IQCE: variants seen among roughly 807,000 people sequenced by gnomAD.
The protein encoded by IQCE is IQ motif containing E, also known as IQ domain-containing protein E.
In IQCE, 115 loss-of-function variants were observed where a neutral mutation model predicts 96.0. That is an observed-to-expected ratio of 1.20 (90% CI 1.03 to 1.40). The LOEUF is 1.40. Among genes scored for constraint, IQCE ranks in the 40% most tolerant of loss-of-function variants. The probability of loss-of-function intolerance (pLI) is 0.00; values close to 1 mark genes in which losing one functional copy is unlikely to be tolerated. For missense variants in IQCE, 1,041 were observed against 909.1 expected, an observed-to-expected ratio of 1.15 and a Z score of -1.87; for synonymous variants, 412 against 371.2, an observed-to-expected ratio of 1.11 and a Z score of -1.26.
chr7:2,589,747 G>A (rs2077280155), intron 13 of IQCE, among the ~76,000 whole-genome samples, 160 bp from the exon 14 acceptor site: 2 of 152,182 alleles, frequency 1.3e-5, no homozygotes, highest in Admixed American at 6.5e-5. Context: ...CCAGTAGCTT[G>A]TGCCCGGCAG....
Position 2,583,634 on chromosome 7 carries a change from C to T in IQCE, c.702-3C>T. ...CCTATTAACGCTGAACTTGGGTTTT[C>T]AGCAAACTCCAGACCGATATGAAGA... is the stretch of plus-strand genomic sequence containing the variant. On this transcript the variant is annotated splice_region_variant and splice_polypyrimidine_tract_variant and intron_variant, in intron 9 of 21. Transcript: ENST00000402050. The T allele has an allele frequency of 6.3e-7, 1 of 1,592,724 alleles. No homozygotes were observed. The highest frequency in any genetic ancestry group is 8.6e-7 in the Non-Finnish European group (1 of 1,166,738).
intron 21 of IQCE, among the ~76,000 whole-genome samples, chr7:2,609,292 G>A (rs1237632066): frequency 6.6e-6 from 1 of 151,024 alleles, no homozygotes. Flanking sequence ...AGTGGCCAGC[G>A]AGTTAACAGG....
At chr7:2,581,603 G>C (rs141398196) in intron 8 of IQCE, among the ~76,000 whole-genome samples, 19 of 152,166 alleles carry the variant, frequency 1.2e-4, no homozygotes, top group Non-Finnish European at 2.2e-4. Flanking sequence ...TACTTTGGGA[G>C]GCCAAGGCAG....
chr7:2,561,422 ATT>A (rs1411351609), intron 1 of IQCE, among the ~76,000 whole-genome samples: 9 of 143,414 alleles, frequency 6.3e-5, no homozygotes, highest in Admixed American at 1.4e-4. Context: ...ATATACAATA[ATT>A]TTTTTTTTTT....
In IQCE at chr7:2,612,464, C is replaced by T. The variant is rs571133367; in HGVS notation, c.*2302C>T. 1 of 152,292 alleles carries T rather than the reference C, an allele frequency of 6.6e-6. No individual in the cohort carries two copies. The highest frequency in any genetic ancestry group is 2.4e-5 in the African/African-American group (1 of 41,500). The allele number at this position is 152,292 out of a possible 1,614,324, so 9.4% of individuals were successfully genotyped here. Reference sequence around the variant, plus strand: ...GCCTCCTTGCCCACGGCCCCAGGGCCTGGGGGCCAGGGGTTCTGGCCCTGC... The same window carrying T: ...GCCTCCTTGCCCACGGCCCCAGGGCTTGGGGGCCAGGGGTTCTGGCCCTGC... On this transcript the variant is annotated 3_prime_UTR_variant, in exon 22 of 22. Transcript: ENST00000402050.
chr7:2,605,160 GCAGGCCCCTCTGCA>G (rs1309013967), intron 19 of IQCE, among the ~76,000 whole-genome samples, 169 bp downstream of exon 19: 1 of 152,200 alleles, frequency 6.6e-6, no homozygotes, highest in Non-Finnish European at 1.5e-5. Flanking sequence ...GCTTCTCTGC[GCAGGCCCCTCTGCA>G]CAGGCCCCGG....
chr7:2,605,787 C>G, intron 19 of IQCE, 89 bp from the exon 20 acceptor site: 1 of 1,334,514 alleles, frequency 7.5e-7, no homozygotes, highest in Admixed American at 3.5e-5. Context: ...TCCTGTCTCC[C>G]TGACGCCCAG....
Position 2,604,996 on chromosome 7 carries a change from T to C in IQCE, c.1743+5T>C, listed in dbSNP as rs1176734631. On this transcript the variant is annotated splice_donor_5th_base_variant and intron_variant, in intron 19 of 21. Coordinates refer to ENST00000402050, the MANE Select transcript of IQCE (RefSeq NM_152558.5). ...GTGCCAGGCCTCCCAGACCAGGTAA[T>C]GTCGGGGTGCTGGACGTCCCAGTGG... 1.2e-6 allele frequency: 2 copies of C among 1,602,982 alleles called. No homozygotes were observed. The highest frequency in any genetic ancestry group is 1.7e-6 in the Non-Finnish European group (2 of 1,170,716).
chr7:2,580,255 G>A (rs893156172), intron 8 of IQCE: 16 of 150,740 alleles, frequency 1.1e-4, no homozygotes, highest in Admixed American at 7.3e-4. Context: ...ACTTAAGTAT[G>A]TGTCAGTAGG....
At chr7:2,582,239 G>A (rs1201124244) in intron 8 of IQCE, among the ~76,000 whole-genome samples, 1 of 152,116 alleles carries the variant, frequency 6.6e-6, no homozygotes, top group Non-Finnish European at 1.5e-5. Context: ...GCTGGTGATG[G>A]GGCTGCTTCT....
At chr7:2,568,619 G>A (rs1227550902) in intron 2 of IQCE, among the ~76,000 whole-genome samples, 2 of 152,202 alleles carry the variant, frequency 1.3e-5, no homozygotes, top group African/African-American at 4.8e-5. Context: ...GGTGCGCTGG[G>A]CTCCCAGGCT....
intron 5 of IQCE, chr7:2,572,622 T>C (rs1329706669): frequency 1.8e-6 from 1 of 561,444 alleles, no homozygotes; most frequent in Non-Finnish European, 3.3e-6. Context: ...GTAAATGATA[T>C]TAGGAACAAA....
chr7:2,609,059 G>A (rs1339915005), intron 21 of IQCE, among the ~76,000 whole-genome samples: 1 of 152,182 alleles, frequency 6.6e-6, no homozygotes, highest in Non-Finnish European at 1.5e-5. Context: ...GCGACACTCA[G>A]GCTCCCCGGC....
Position 2,559,140 on chromosome 7 carries a change from C to CG in IQCE, c.-41dup. 4.1e-6 allele frequency: 5 copies of CG among 1,205,784 alleles called. No homozygotes were observed. The highest frequency in any genetic ancestry group is 5.2e-6 in the Non-Finnish European group (5 of 969,250). 74.7% of individuals were successfully genotyped at this position (1,205,784 alleles called of 1,614,324 possible). ...CCGCGGATTCCCAGACCCGGACGCCCGAGCCAGCAACCCTGAGGGGCGGCC... is the reference window on the plus strand; with the variant it reads ...CCGCGGATTCCCAGACCCGGACGCCCGGAGCCAGCAACCCTGAGGGGCGGCC... On this transcript the variant is annotated 5_prime_UTR_variant, in exon 1 of 22. It removes the in-frame stop codon of an upstream open reading frame in the 5' UTR. Transcript: ENST00000402050.
chr7:2,573,836 T>C (rs1781932123), intron 6 of IQCE, among the ~76,000 whole-genome samples: 1 of 152,210 alleles, frequency 6.6e-6, no homozygotes, highest in African/African-American at 2.4e-5. Context: ...TAACCTTCCA[T>C]GCATGCCACG....
intron 11 of IQCE, 160 bp downstream of exon 11, chr7:2,584,445 G>A (rs938970396): frequency 1.8e-4 from 135 of 738,510 alleles, no homozygotes; most frequent in Non-Finnish European, 6.6e-5. Context: ...GAGTTGACAC[G>A]TTTCCATTTG....
At chr7:2,603,899 C>T (rs1330524709) in intron 18 of IQCE, among the ~76,000 whole-genome samples, 1 of 151,936 alleles carries the variant, frequency 6.6e-6, no homozygotes, top group Non-Finnish European at 1.5e-5. Context: ...ATCTATCAGG[C>T]TGGGAGGGTT....
chr7:2,560,732 C>T (rs1257472528), intron 1 of IQCE, among the ~76,000 whole-genome samples: 1 of 151,832 alleles, frequency 6.6e-6, no homozygotes, highest in African/African-American at 2.4e-5. Flanking sequence ...CTGAGGTGGG[C>T]AGATCATGAG....
At position 2,610,255 on chromosome 7, in the gene IQCE, C is replaced by A; in HGVS notation, c.*93C>A. 1 of 799,362 alleles carries A rather than the reference C, an allele frequency of 1.3e-6. No homozygotes were observed. Among genetic ancestry groups the A allele is most frequent in the Non-Finnish European group, 2.2e-6 (1 of 450,942 alleles). The allele number at this position is 799,362 out of a possible 1,614,324, so 49.5% of individuals were successfully genotyped here. A position where few individuals can be genotyped will look rare whatever the true frequency, so the allele number is the denominator to read the frequency against. ...ATAATTTATCGTGTTAGGAGAAGAA[C>A]GATGATACCTACTTAACACCTCAGC... is the stretch of plus-strand genomic sequence containing the variant. On this transcript the variant is annotated 3_prime_UTR_variant, in exon 22 of 22. Coordinates refer to ENST00000402050, the MANE Select transcript of IQCE (RefSeq NM_152558.5).
Sources: allele counts gnomAD v4.1 joint callset (sites outside exome capture counted in the v4.1 genomes callset), GRCh38; gene constraint gnomAD v4.1.1; transcripts MANE v1.5; gene names NCBI Gene and HGNC (gene_info 2026-07-23, HGNC 2026-07-21).